The following IFT88 variants were observed in gnomAD, a reference collection of about 807,000 sequenced individuals.
IFT88 encodes the protein intraflagellar transport 88, also known as intraflagellar transport protein 88 homolog.
Under a neutral mutation model 119.5 loss-of-function variants are expected in IFT88, and 74 were observed. That is an observed-to-expected ratio of 0.62 (90% CI 0.51 to 0.75). The LOEUF is 0.75. Ranked by LOEUF, IFT88 falls within the 30% of genes least tolerant of loss-of-function variation. The pLI, the probability that IFT88 is intolerant of heterozygous loss-of-function variation, is 0.00. For synonymous variants in IFT88, 279 were observed against 316.7 expected, an observed-to-expected ratio of 0.88 and a Z score of 1.26; for missense variants, 961 against 977.7, an observed-to-expected ratio of 0.98 and a Z score of 0.23.
At chr13:20,616,430 C>T (rs1229777935) in intron 14 of IFT88, among the ~76,000 whole-genome samples, 2 of 152,118 alleles carry the variant, frequency 1.3e-5, no homozygotes, top group Non-Finnish European at 2.9e-5. Flanking sequence ...TGTACCTTTT[C>T]TATGTTTAGA....
intron 20 of IFT88, among the ~76,000 whole-genome samples, chr13:20,650,761 A>G (rs1389547161): frequency 6.6e-6 from 1 of 152,200 alleles, no homozygotes; most frequent in Admixed American, 6.5e-5. Flanking sequence ...GAATTCAGCA[A>G]AGTTGCAGGA....
chr13:20,608,161 A>G (rs369493882), intron 13 of IFT88: 5 of 406,812 alleles, frequency 1.2e-5, no homozygotes, highest in East Asian at 5.5e-5. Flanking sequence ...TGTAGAGTCC[A>G]GAGGACAGGA....
At chr13:20,681,629 C>G (rs2057330401) in intron 24 of IFT88, among the ~76,000 whole-genome samples, 1 of 152,164 alleles carries the variant, frequency 6.6e-6, no homozygotes. Context: ...TGTATGAGCT[C>G]CAATATGAGT....
rs143526953 is a variant in IFT88 at position 20,635,637 on chromosome 13, C to T, written c.1387-2695C>T. Among the ~76,000 whole-genome samples the T allele has an allele frequency of 1.5e-3, 232 of 152,262 alleles. 1 individual carries two copies. Among genetic ancestry groups the T allele is most frequent in the African/African-American group, 5.4e-3 (225 of 41,550 alleles). Reference sequence around the variant, plus strand: ...TATGTTTCAGGAACAGAAAACCAAACACCGCATGTTCTCATTCATAAGTGA... The same window carrying T: ...TATGTTTCAGGAACAGAAAACCAAATACCGCATGTTCTCATTCATAAGTGA... On this transcript the variant is annotated intron_variant, in intron 16 of 25. Transcript: ENST00000351808.
intron 24 of IFT88, among the ~76,000 whole-genome samples, chr13:20,679,696 TG>T (rs2057102260): frequency 6.6e-6 from 1 of 152,252 alleles, no homozygotes. Context: ...GTATCCAGAC[TG>T]AACTGTTGTG....
intron 7 of IFT88, among the ~76,000 whole-genome samples, chr13:20,595,518 G>C (rs777905573): frequency 1.3e-5 from 2 of 151,986 alleles, no homozygotes; most frequent in Non-Finnish European, 2.9e-5. Flanking sequence ...TCAAACTCCT[G>C]ACCTCAAGTG....
At chr13:20,618,867 T>C (rs1204447353) in intron 14 of IFT88, among the ~76,000 whole-genome samples, 2 of 151,690 alleles carry the variant, frequency 1.3e-5, no homozygotes, top group African/African-American at 4.9e-5. Context: ...TTCCCTTTTT[T>C]TTTTTTGAGA....
chr13:20,595,279 T>C (rs1410255065), intron 7 of IFT88, among the ~76,000 whole-genome samples: 1 of 151,990 alleles, frequency 6.6e-6, no homozygotes, highest in African/African-American at 2.4e-5. Flanking sequence ...GTCGTTTATT[T>C]TTATTTTTTT....
intron 24 of IFT88, among the ~76,000 whole-genome samples, chr13:20,678,069 A>C (rs954059603): frequency 1.3e-5 from 2 of 152,244 alleles, no homozygotes; most frequent in African/African-American, 4.8e-5. Context: ...TTTTCAACTA[A>C]GATAGTTTTG....
At position 20,605,101 on chromosome 13, in the gene IFT88, GA is replaced by G; in HGVS notation, c.1111del (p.Arg371GlyfsTer10). The G allele has an allele frequency of 7.2e-7, 1 of 1,394,326 alleles. No homozygotes were observed. Among genetic ancestry groups the G allele is most frequent in the Non-Finnish European group, 1.0e-6 (1 of 991,600 alleles). The allele number at this position is 1,394,326 out of a possible 1,614,324, so 86.4% of individuals were successfully genotyped here. ...KNDHLRQMER[E>X]RKAMAEKYIM... ...TGATCACCTCAGGCAAATGGAACGT[GA>G]AAGGTAATATTTTAAACTTAATAAC... On this transcript the variant is annotated frameshift_variant, in exon 13 of 26. Transcript: ENST00000351808. LOFTEE classifies it high-confidence loss of function.
chr13:20,630,248 A>G (rs1419444084), intron 15 of IFT88, among the ~76,000 whole-genome samples: 2 of 152,034 alleles, frequency 1.3e-5, no homozygotes, highest in South Asian at 2.1e-4. Context: ...TTAGCCATCT[A>G]TTTTGCCATG....
intron 1 of IFT88, 123 bp downstream of exon 1, chr13:20,567,379 C>A (rs981436304): frequency 6.6e-6 from 1 of 152,378 alleles, no homozygotes; most frequent in Non-Finnish European, 1.5e-5. Flanking sequence ...CCTGTCGGCC[C>A]CGGGGCGGTC....
chr13:20,578,171 A>C (rs1160358321), intron 2 of IFT88, among the ~76,000 whole-genome samples: 1 of 148,010 alleles, frequency 6.8e-6, no homozygotes, highest in Non-Finnish European at 1.5e-5. Flanking sequence ...CAGCCTCCCG[A>C]GTAGCTGGGA....
intron 16 of IFT88, among the ~76,000 whole-genome samples, chr13:20,632,656 G>C (rs563210232): frequency 6.6e-6 from 1 of 152,242 alleles, no homozygotes; most frequent in African/African-American, 2.4e-5. Flanking sequence ...GACTCTCCTT[G>C]GCAGATAGTC....
chr13:20,569,528 G>A (rs565969758), intron 1 of IFT88, among the ~76,000 whole-genome samples: 5 of 151,068 alleles, frequency 3.3e-5, no homozygotes, highest in Non-Finnish European at 7.4e-5. Flanking sequence ...AGCCGAGATC[G>A]CGCCACTGCA....
At chr13:20,573,340 T>C (rs2036755020) in intron 1 of IFT88, among the ~76,000 whole-genome samples, 1 of 152,056 alleles carries the variant, frequency 6.6e-6, no homozygotes, top group African/African-American at 2.4e-5. Context: ...TTTTTTGCCT[T>C]TAAAGATCTG....
At chr13:20,598,186 AT>A (rs2042069385) in intron 9 of IFT88, among the ~76,000 whole-genome samples, 1 of 152,160 alleles carries the variant, frequency 6.6e-6, no homozygotes, top group Non-Finnish European at 1.5e-5. Flanking sequence ...TATGATGATC[AT>A]TTTTTACCTT....
At position 20,596,596 on chromosome 13, in the gene IFT88, GTC is replaced by G. The variant is rs2041685526; in HGVS notation, c.489+362_489+363del. Among the ~76,000 whole-genome samples, 5 of 152,186 alleles carry G rather than the reference GTC, an allele frequency of 3.3e-5. No individual in the cohort carries two copies. The South Asian group carries it at 1.0e-3, about 32-fold the overall frequency. On this transcript the variant is annotated intron_variant, in intron 8 of 25. Transcript: ENST00000351808. ...TACTAAGGGCTGTTTTCTTCTTGAA[GTC>G]TCTCTACTATCAAATATTTTTTCCT... is the stretch of plus-strand genomic sequence containing the variant.
intron 11 of IFT88, 72 bp downstream of exon 11, chr13:20,599,637 T>A: frequency 1.5e-6 from 1 of 684,798 alleles, no homozygotes; most frequent in Non-Finnish European, 2.5e-6. Flanking sequence ...TCTTCTGACC[T>A]GTTTTCAGTG....
Sources: gnomAD v4.1 joint callset for allele counts (sites outside exome capture counted in the v4.1 genomes callset) on GRCh38, gnomAD v4.1.1 for gene constraint, MANE v1.5 for transcripts, NCBI Gene and HGNC (gene_info 2026-07-23, HGNC 2026-07-21) for gene names.